The following QTMAN variants were observed in gnomAD, a reference collection of about 807,000 sequenced individuals.
QTMAN encodes the protein queuosine-tRNA mannosyltransferase, also known as tRNA-queuosine alpha-mannosyltransferase.
At chr2:144,280,493 C>T in the QTMAN span, among the ~76,000 whole-genome samples, 1 of 151,812 alleles carries the variant, frequency 6.6e-6, no homozygotes, top group African/African-American at 2.4e-5. Flanking sequence ...TGTTGTAATT[C>T]GATTGACATC....
chr2:144,120,666 T>C, the QTMAN span, among the ~76,000 whole-genome samples: 6 of 152,108 alleles, frequency 3.9e-5, no homozygotes, highest in Non-Finnish European at 8.8e-5. Flanking sequence ...CCTTCAACTA[T>C]AAAAAGGGAT....
the QTMAN span, among the ~76,000 whole-genome samples, chr2:144,027,644 T>A: frequency 1.3e-5 from 2 of 152,310 alleles, no homozygotes; most frequent in South Asian, 2.1e-4. Flanking sequence ...TAAACTATGT[T>A]ACTAAGTACA....
the QTMAN span, among the ~76,000 whole-genome samples, chr2:144,173,399 T>G: frequency 2.0e-5 from 3 of 152,336 alleles, no homozygotes; most frequent in South Asian, 6.2e-4. Flanking sequence ...TTCTCTCCCT[T>G]TGCTGGCTTT....
chr2:143,958,496 C>T, the QTMAN span, among the ~76,000 whole-genome samples: 2 of 152,024 alleles, frequency 1.3e-5, no homozygotes, highest in African/African-American at 2.4e-5. Flanking sequence ...ACTCACCAGT[C>T]GACAAGGTCT....
the QTMAN span, among the ~76,000 whole-genome samples, chr2:143,974,376 G>A: frequency 8.5e-5 from 13 of 152,142 alleles, 1 homozygote; most frequent in Admixed American, 8.5e-4. Context: ...GATGTGCACA[G>A]AAATTCAGCT....
At chr2:144,098,467 C>T in the QTMAN span, among the ~76,000 whole-genome samples, 2 of 152,100 alleles carry the variant, frequency 1.3e-5, no homozygotes, top group African/African-American at 2.4e-5. Flanking sequence ...GTAATCCTAG[C>T]ATTTTGGGAG....
chr2:144,242,771 G>A, the QTMAN span, among the ~76,000 whole-genome samples: 1 of 151,888 alleles, frequency 6.6e-6, no homozygotes, highest in Non-Finnish European at 1.5e-5. Context: ...AGACCAGCCT[G>A]GCCAAGATGG....
At chr2:144,175,707 A>G in the QTMAN span, among the ~76,000 whole-genome samples, 1 of 152,106 alleles carries the variant, frequency 6.6e-6, no homozygotes, top group South Asian at 2.1e-4. Flanking sequence ...TCTGTCATCC[A>G]TGCTGGAGTG....
chr2:144,291,935 T>A, the QTMAN span, among the ~76,000 whole-genome samples: 3 of 152,216 alleles, frequency 2.0e-5, no homozygotes, highest in African/African-American at 4.8e-5. Flanking sequence ...TTTAGCCTGA[T>A]TGCCTTGTTC....
chr2:144,140,346 T>C, the QTMAN span, among the ~76,000 whole-genome samples: 1 of 152,148 alleles, frequency 6.6e-6, no homozygotes, highest in East Asian at 1.9e-4. Flanking sequence ...TAGAATTCTA[T>C]AGCAGTAATA....
chr2:144,062,778 G>C, the QTMAN span, among the ~76,000 whole-genome samples: 2 of 152,156 alleles, frequency 1.3e-5, no homozygotes, highest in African/African-American at 4.8e-5. Context: ...GAGATCAGTA[G>C]CCTCAATTTC....
chr2:144,283,835 G>A, the QTMAN span, among the ~76,000 whole-genome samples: 2 of 151,906 alleles, frequency 1.3e-5, no homozygotes, highest in African/African-American at 4.8e-5. Context: ...GTACCATGCA[G>A]GTTAGTGTGA....
the QTMAN span, among the ~76,000 whole-genome samples, chr2:144,298,023 T>TA: frequency 7.4e-6 from 1 of 135,624 alleles, no homozygotes; most frequent in East Asian, 2.0e-4. Flanking sequence ...AATATTTTAA[T>TA]TTTTTTTTTT....
the QTMAN span, among the ~76,000 whole-genome samples, chr2:144,183,856 G>A: frequency 1.3e-5 from 2 of 152,158 alleles, no homozygotes; most frequent in Non-Finnish European, 1.5e-5. Flanking sequence ...CACTCATCTG[G>A]TTTGACTAAA....
chr2:144,062,171 A>T, the QTMAN span, among the ~76,000 whole-genome samples: 1 of 152,208 alleles, frequency 6.6e-6, no homozygotes, highest in Non-Finnish European at 1.5e-5. Flanking sequence ...GGACTAAAAG[A>T]GCACTGTAAC....
chr2:144,182,716 G>A, the QTMAN span, among the ~76,000 whole-genome samples: 1 of 132,708 alleles, frequency 7.5e-6, no homozygotes, highest in Non-Finnish European at 1.6e-5. Context: ...TGATTAGTTA[G>A]TAGGCTGTAA....
chr2:144,269,866 C>T, the QTMAN span, among the ~76,000 whole-genome samples: 3 of 151,234 alleles, frequency 2.0e-5, no homozygotes, highest in Admixed American at 6.6e-5. Context: ...ACTTCCAAAA[C>T]CGTTATAATC....
the QTMAN span, among the ~76,000 whole-genome samples, chr2:144,033,222 A>G: frequency 2.0e-5 from 3 of 152,234 alleles, no homozygotes; most frequent in Non-Finnish European, 4.4e-5. Flanking sequence ...TACTGCAGTT[A>G]AGGGTTAAGT....
the QTMAN span, among the ~76,000 whole-genome samples, chr2:144,124,315 G>C: frequency 6.6e-6 from 1 of 152,108 alleles, no homozygotes; most frequent in Non-Finnish European, 1.5e-5. Context: ...TCATTCATTT[G>C]AAATGGGACT....
Sources: allele counts gnomAD v4.1 joint callset (sites outside exome capture counted in the v4.1 genomes callset), GRCh38; gene constraint gnomAD v4.1.1; transcripts MANE v1.5; gene names NCBI Gene and HGNC (gene_info 2026-07-23, HGNC 2026-07-21).